MYO9A: variants seen among roughly 807,000 people sequenced by gnomAD.
MYO9A encodes the protein myosin IXA, also known as unconventional myosin-IXa.
In MYO9A, 103 loss-of-function variants were observed where a neutral mutation model predicts 293.3. The observed-to-expected ratio is 0.35, with a 90% confidence interval of 0.30 to 0.41. The LOEUF (loss-of-function observed/expected upper bound fraction) is 0.41, where lower values mean the gene tolerates loss of function less well. Among genes scored for constraint, MYO9A ranks in the 10% least tolerant of loss-of-function variants. MYO9A has a pLI of 1.00. For synonymous variants in MYO9A, 1,001 were observed against 1,035.7 expected (o/e 0.97, Z 0.64); for missense variants, 2,685 against 3,033.0 (o/e 0.89, Z 2.69).
At chr15:71,850,193 C>T (rs1230671552) in intron 37 of MYO9A, 26 bp from the exon 38 acceptor site, 4 of 1,612,696 alleles carry the variant, frequency 2.5e-6, no homozygotes, top group African/African-American at 2.7e-5. Flanking sequence ...AAACAAAAAA[C>T]AAATGAGTAA....
intron 15 of MYO9A, among the ~76,000 whole-genome samples, chr15:71,950,685 C>T (rs1436978842): frequency 2.0e-5 from 3 of 152,196 alleles, no homozygotes; most frequent in African/African-American, 7.2e-5. Context: ...ACATTACACA[C>T]TTTTGTTTTA....
chr15:72,001,899 G>A (rs1187331360), intron 8 of MYO9A, among the ~76,000 whole-genome samples: 2 of 151,912 alleles, frequency 1.3e-5, no homozygotes, highest in African/African-American at 2.4e-5. Context: ...ACACAAAAAT[G>A]ACAAAACTAA....
At chr15:72,100,776 C>G (rs561620959) in intron 1 of MYO9A, among the ~76,000 whole-genome samples, 1 of 151,322 alleles carries the variant, frequency 6.6e-6, no homozygotes, top group African/African-American at 2.4e-5. Flanking sequence ...GCTGCCCCGT[C>G]TGAGAAATGA....
chr15:71,969,554 T>C (rs529638937), intron 12 of MYO9A, among the ~76,000 whole-genome samples: 41 of 152,368 alleles, frequency 2.7e-4, no homozygotes, highest in African/African-American at 9.6e-4. Context: ...TGCAAACTTA[T>C]ATCTCACTAC....
chr15:72,111,484 C>CT (rs946004461), intron 1 of MYO9A, among the ~76,000 whole-genome samples: 55 of 129,392 alleles, frequency 4.3e-4, no homozygotes, highest in Non-Finnish European at 7.5e-4. Context: ...GTGAGATTGT[C>CT]TTAAAAAAAA....
At chr15:71,919,841 C>CAAAAAA (rs373980359) in intron 18 of MYO9A, among the ~76,000 whole-genome samples, 8 of 82,486 alleles carry the variant, frequency 9.7e-5, no homozygotes, top group African/African-American at 2.5e-4. Context: ...GACTCCATCT[C>CAAAAAA]AAAAAAAAAA....
At chr15:71,972,017 G>A (rs1263773064) in intron 12 of MYO9A, among the ~76,000 whole-genome samples, 1 of 152,044 alleles carries the variant, frequency 6.6e-6, no homozygotes, top group African/African-American at 2.4e-5. Flanking sequence ...CCTCATTCCA[G>A]AAAGGGTCCC....
rs1483764936 is a variant in MYO9A at position 72,105,073 on chromosome 15, T to C, written c.-72+12607A>G. ...ACTGTCCCTTCAGACCTAGGTACCA[T>C]ACCAAAATATATCTACTGTTTTTTT... On this transcript the variant is annotated intron_variant, in intron 1 of 41. Coordinates refer to ENST00000356056, the MANE Select transcript of MYO9A (RefSeq NM_006901.4). Among the ~76,000 whole-genome samples, 4 of 152,240 alleles carry C rather than the reference T, an allele frequency of 2.6e-5. No homozygotes were observed. In the South Asian group the frequency reaches 6.2e-4, roughly 24 times the overall value.
chr15:71,883,439 T>C (rs566877011), intron 28 of MYO9A, among the ~76,000 whole-genome samples, 155 bp downstream of exon 28: 1 of 152,344 alleles, frequency 6.6e-6, no homozygotes, highest in Non-Finnish European at 1.5e-5. Context: ...TGTAACTTTA[T>C]TTTTTAGTTA....
At chr15:71,884,755 A>T (rs1221777042) in intron 27 of MYO9A, among the ~76,000 whole-genome samples, 1 of 152,082 alleles carries the variant, frequency 6.6e-6, no homozygotes, top group Non-Finnish European at 1.5e-5. Flanking sequence ...TTGTCTGTTC[A>T]ATCATTCAAT....
At chr15:71,991,332 T>A in intron 10 of MYO9A, 95 bp from the exon 11 acceptor site, 1 of 1,006,280 alleles carries the variant, frequency 9.9e-7, no homozygotes, top group Non-Finnish European at 1.5e-6. Context: ...TCAATTCCTC[T>A]AAAGCAGTGT....
intron 27 of MYO9A, among the ~76,000 whole-genome samples, chr15:71,886,669 A>T (rs1023167779): frequency 2.0e-5 from 3 of 152,140 alleles, no homozygotes; most frequent in African/African-American, 7.2e-5. Context: ...CATATTTAAA[A>T]TTTAAAGTCC....
intron 35 of MYO9A, among the ~76,000 whole-genome samples, chr15:71,853,303 TTAGAGA>T (rs765784353): frequency 1.3e-4 from 20 of 152,246 alleles, no homozygotes; most frequent in Non-Finnish European, 2.6e-4. Context: ...TAAGTCATTC[TTAGAGA>T]TAAAAGGACA....
At position 71,865,618 on chromosome 15, in the gene MYO9A, A is replaced by G. The variant is rs570538439; in HGVS notation, c.5980-3007T>C. 3.3e-5 allele frequency among the ~76,000 whole-genome samples: 5 copies of G among 152,288 alleles called. No individual in the cohort carries two copies. In the East Asian group the frequency reaches 5.8e-4, roughly 18 times the overall value. ...CAGAATAGGCAAATCCATACAGACA[A>G]AGTAGACTGGTGGTTGTGAGGGGCT... On this transcript the variant is annotated intron_variant, in intron 32 of 41. Coordinates refer to ENST00000356056, the MANE Select transcript of MYO9A (RefSeq NM_006901.4).
chr15:72,101,502 CGGGA>C (rs2080320491), intron 1 of MYO9A, among the ~76,000 whole-genome samples: 2 of 91,656 alleles, frequency 2.2e-5, no homozygotes, highest in Non-Finnish European at 4.5e-5. Flanking sequence ...CCGCCCCGTC[CGGGA>C]GGGAGGTGGG....
intron 1 of MYO9A, among the ~76,000 whole-genome samples, chr15:72,047,119 T>C (rs898652387): frequency 6.6e-6 from 1 of 152,122 alleles, no homozygotes; most frequent in Non-Finnish European, 1.5e-5. Flanking sequence ...AGAAGATAGA[T>C]AAACATAGAA....
intron 1 of MYO9A, among the ~76,000 whole-genome samples, chr15:72,077,746 AAAAAAAATATAT>A (rs1403589143): frequency 0.018 from 757 of 42,402 alleles, 2 homozygotes; most frequent in African/African-American, 0.051. Flanking sequence ...AAAAAAAAAA[AAAAAAAATATAT>A]ATATATATAT....
intron 31 of MYO9A, among the ~76,000 whole-genome samples, chr15:71,876,234 C>T (rs575778985): frequency 6.6e-6 from 1 of 150,794 alleles, no homozygotes; most frequent in African/African-American, 2.4e-5. Flanking sequence ...GCAACCTCTG[C>T]TTCCCAGGTT....
chr15:72,098,883 G>A (rs1046427644), intron 1 of MYO9A, among the ~76,000 whole-genome samples: 6 of 151,334 alleles, frequency 4.0e-5, no homozygotes, highest in Admixed American at 1.3e-4. Context: ...TGATAAAAAC[G>A]AAGAAGTGAT....
Sources: allele counts gnomAD v4.1 joint callset (sites outside exome capture counted in the v4.1 genomes callset), GRCh38; gene constraint gnomAD v4.1.1; transcripts MANE v1.5; gene names NCBI Gene and HGNC (gene_info 2026-07-23, HGNC 2026-07-21).